Variants in ITPR2 observed in about 807,000 individuals in gnomAD.
ITPR2 encodes the protein inositol 1,4,5-trisphosphate receptor type 2, also known as inositol 1,4,5-trisphosphate-gated calcium channel ITPR2.
Under a neutral mutation model 317.1 loss-of-function variants are expected in ITPR2, and 207 were observed. That is an observed-to-expected ratio of 0.65 (90% CI 0.58 to 0.73). The LOEUF (loss-of-function observed/expected upper bound fraction) is 0.73. Among genes scored for constraint, ITPR2 ranks in the 30% least tolerant of loss-of-function variants. The pLI, the probability that ITPR2 is intolerant of heterozygous loss-of-function variation, is 0.00. For synonymous variants in ITPR2, 1,156 were observed against 1,149.1 expected (o/e 1.01, Z -0.12); for missense variants, 2,613 against 3,284.0 (o/e 0.80, Z 4.99).
At chr12:26,575,922 C>T (rs12303227) in intron 34 of ITPR2, among the ~76,000 whole-genome samples, 3,564 of 152,222 alleles carry the variant, frequency 0.023, 140 homozygotes, top group African/African-American at 0.081. Context: ...ATGCCCGCTA[C>T]GCCCTGTGTA....
intron 1 of ITPR2, chr12:26,800,882 G>C (rs1054364804): frequency 6.5e-6 from 1 of 154,204 alleles, no homozygotes; most frequent in Non-Finnish European, 1.4e-5. Context: ...TGGAGGCCTG[G>C]AGCTTGCCCT....
At chr12:26,586,871 C>A (rs73087294) in intron 32 of ITPR2, among the ~76,000 whole-genome samples, 18,570 of 152,126 alleles carry the variant, frequency 0.12, 1,580 homozygotes, top group Admixed American at 0.18. Flanking sequence ...TTGCCTAGGA[C>A]TCCTTTCTCT....
chr12:26,651,152 G>A (rs906446375), intron 21 of ITPR2, among the ~76,000 whole-genome samples: 3 of 151,968 alleles, frequency 2.0e-5, no homozygotes, highest in African/African-American at 7.2e-5. Flanking sequence ...ATGTTCTCTT[G>A]GATTGCAATT....
At chr12:26,501,687 G>C (rs1171297458) in intron 37 of ITPR2, among the ~76,000 whole-genome samples, 1 of 152,170 alleles carries the variant, frequency 6.6e-6, no homozygotes, top group African/African-American at 2.4e-5. Flanking sequence ...GAAAATGTTA[G>C]ATCCAAATAT....
chr12:26,547,845 C>G (rs1438768256), intron 37 of ITPR2, among the ~76,000 whole-genome samples: 1 of 152,190 alleles, frequency 6.6e-6, no homozygotes, highest in African/African-American at 2.4e-5. Flanking sequence ...GTCTTATATT[C>G]TGTCTGCCTA....
In ITPR2 at chr12:26,661,276, G is replaced by GT. The variant is rs1491581067; in HGVS notation, c.1714-1992_1714-1991insA. 1.3e-3 allele frequency among the ~76,000 whole-genome samples: 45 copies of GT among 33,464 alleles called. 4 individuals are homozygous for GT. Among genetic ancestry groups the GT allele is most frequent in the South Asian group, 0.012 (7 of 584 alleles). 22.0% of individuals were successfully genotyped at this position (33,464 alleles called of 152,430 possible). On this transcript the variant is annotated intron_variant, in intron 15 of 56. Coordinates refer to ENST00000381340, the MANE Select transcript of ITPR2 (RefSeq NM_002223.4). The stretch of plus-strand genomic sequence containing the variant: ...TATGACTAGGTAGGGGTGTGTGTGT[G>GT]GGGGGGGGGGGGTGGGAGGGAACGG...
In ITPR2 at chr12:26,361,691, A is replaced by G. The variant is rs527555088; in HGVS notation, c.7858-21363T>C. ...CAAAGGATTCTCTCCTAAAGGAATAATCACCAGATTTCTTTAACTAACAAT... is the reference window on the plus strand; with the variant it reads ...CAAAGGATTCTCTCCTAAAGGAATAGTCACCAGATTTCTTTAACTAACAAT... On this transcript the variant is annotated intron_variant, in intron 55 of 56. Transcript: ENST00000381340. Among the ~76,000 whole-genome samples, 9 of 152,400 alleles carry G rather than the reference A, an allele frequency of 5.9e-5. No homozygotes were observed. The South Asian group carries it at 1.7e-3, about 28-fold the overall frequency.
intron 55 of ITPR2, among the ~76,000 whole-genome samples, chr12:26,352,790 A>C (rs985264487): frequency 6.6e-6 from 1 of 152,236 alleles, no homozygotes; most frequent in African/African-American, 2.4e-5. Context: ...GTGGATTATT[A>C]GGCCAAAATC....
At position 26,602,422 on chromosome 12, in the gene ITPR2, T is replaced by C. The variant is rs762848171; in HGVS notation, c.3626A>G (p.Asn1209Ser). The C allele has an allele frequency of 6.2e-7, 1 of 1,613,822 alleles. No individual in the cohort carries two copies. The highest frequency in any genetic ancestry group is 1.1e-5 in the South Asian group (1 of 91,052). Residue 1209 changes from asparagine (N) to serine (S), a missense_variant, in exon 28 of 57, where the codon AAT (asparagine) becomes AGT (serine). Coordinates refer to ENST00000381340, the MANE Select transcript of ITPR2 (RefSeq NM_002223.4). Reference sequence around the variant, plus strand: ...CAACACCACCGAATGCGCCCCCATATTTTTCAGTAATCGTTGATGTTGATT... The same window carrying C: ...CAACACCACCGAATGCGCCCCCATACTTTTCAGTAATCGTTGATGTTGATT... ...CRNQHQRLLK[N>S]MGAHSVVLDL...
intron 32 of ITPR2, among the ~76,000 whole-genome samples, chr12:26,591,255 G>A (rs1314603774): frequency 5.3e-5 from 8 of 151,918 alleles, no homozygotes; most frequent in African/African-American, 1.5e-4. Context: ...AGAATAATCC[G>A]ATTCAAAAAT....
intron 32 of ITPR2, among the ~76,000 whole-genome samples, chr12:26,594,740 CAA>C (rs35900258): frequency 7.1e-6 from 1 of 141,540 alleles, no homozygotes. Context: ...ATTCAGTATG[CAA>C]AAAAAAAAGG....
intron 50 of ITPR2, among the ~76,000 whole-genome samples, chr12:26,416,005 C>T (rs905702410): frequency 1.3e-5 from 2 of 152,052 alleles, no homozygotes; most frequent in Admixed American, 6.6e-5. Flanking sequence ...ATTGTAAGAA[C>T]AGTTTCATGA....
chr12:26,820,907 T>C (rs1950928554), intron 1 of ITPR2, among the ~76,000 whole-genome samples: 2 of 152,176 alleles, frequency 1.3e-5, no homozygotes, highest in Admixed American at 6.5e-5. Context: ...TTTTCACTTA[T>C]ACATGGTACC....
intron 2 of ITPR2, among the ~76,000 whole-genome samples, chr12:26,727,481 A>G (rs1349849414): frequency 6.6e-6 from 1 of 152,240 alleles, no homozygotes; most frequent in Non-Finnish European, 1.5e-5. Flanking sequence ...ATTAAGGTCA[A>G]TTGGAAATGA....
chr12:26,594,097 A>G (rs1945777784), intron 32 of ITPR2, among the ~76,000 whole-genome samples: 1 of 152,218 alleles, frequency 6.6e-6, no homozygotes, highest in African/African-American at 2.4e-5. Context: ...AGTTTTCACA[A>G]GGTCAATGGG....
chr12:26,826,063 T>A (rs1363567458), intron 1 of ITPR2, among the ~76,000 whole-genome samples: 1 of 152,118 alleles, frequency 6.6e-6, no homozygotes, highest in Admixed American at 6.5e-5. Context: ...AAAAGTTAAC[T>A]ATAACCATTC....
At chr12:26,769,568 C>T (rs1949802820) in intron 2 of ITPR2, among the ~76,000 whole-genome samples, 1 of 152,006 alleles carries the variant, frequency 6.6e-6, no homozygotes, top group Admixed American at 6.5e-5. Flanking sequence ...CAAAATATAA[C>T]TTTTGTTAAT....
chr12:26,638,063 C>T (rs1045280806), intron 21 of ITPR2, among the ~76,000 whole-genome samples: 1 of 152,126 alleles, frequency 6.6e-6, no homozygotes, highest in African/African-American at 2.4e-5. Flanking sequence ...ATCAAGTAGA[C>T]TACTTAGAAG....
At chr12:26,828,889 C>T (rs1951051526) in intron 1 of ITPR2, among the ~76,000 whole-genome samples, 1 of 152,158 alleles carries the variant, frequency 6.6e-6, no homozygotes, top group Non-Finnish European at 1.5e-5. Context: ...CCGCAAGGAG[C>T]CGTGGGCAAA....
Sources: gnomAD v4.1 joint callset for allele counts (sites outside exome capture counted in the v4.1 genomes callset) on GRCh38, gnomAD v4.1.1 for gene constraint, MANE v1.5 for transcripts, NCBI Gene and HGNC (gene_info 2026-07-23, HGNC 2026-07-21) for gene names.